GALNT18: variants seen among roughly 807,000 people sequenced by gnomAD.
The protein encoded by GALNT18 is GalNAc-transferase 18.
In GALNT18, 44 loss-of-function variants were observed where a neutral mutation model predicts 69.5. The observed-to-expected ratio is 0.63, with a 90% CI of 0.50 to 0.81. The LOEUF is 0.81. GALNT18 is among the 40% of genes least tolerant of loss of function. GALNT18 has a pLI of 0.00. For missense variants in GALNT18, 715 were observed against 810.0 expected (o/e 0.88, Z 1.42); for synonymous variants, 364 against 318.2 (o/e 1.14, Z -1.53).
Position 11,583,640 on chromosome 11 carries a change from C to T in GALNT18, c.235+37719G>A, listed in dbSNP as rs946279365. Among the ~76,000 whole-genome samples, 9 of 152,296 alleles carry T rather than the reference C, an allele frequency of 5.9e-5. No homozygotes were observed. The highest frequency in any genetic ancestry group is 4.1e-4 in the South Asian group (2 of 4,822). On this transcript the variant is annotated intron_variant, in intron 1 of 10. Transcript: ENST00000227756. This position sits in a 1 kb window ranked among gnomAD's most constrained non-coding sequence, Gnocchi z 4.7. Reference sequence around the variant, plus strand: ...TCCAAAGACCAGAGGTCCCATGAGACGCCACTTCTTCAAATGCCGACATTT... The same window carrying T: ...TCCAAAGACCAGAGGTCCCATGAGATGCCACTTCTTCAAATGCCGACATTT...
At chr11:11,495,768 T>C (rs567644292) in intron 1 of GALNT18, among the ~76,000 whole-genome samples, 1 of 152,316 alleles carries the variant, frequency 6.6e-6, no homozygotes, top group African/African-American at 2.4e-5. Context: ...ATCCTCATTA[T>C]AGAAGCGGTA....
chr11:11,403,627 A>G (rs923439027), intron 3 of GALNT18, among the ~76,000 whole-genome samples: 8 of 152,142 alleles, frequency 5.3e-5, no homozygotes, highest in African/African-American at 1.9e-4. Flanking sequence ...GTCCAGGGCT[A>G]TACTCTCTCC....
At chr11:11,325,764 A>G (rs1008308404) in intron 9 of GALNT18, among the ~76,000 whole-genome samples, 5 of 152,192 alleles carry the variant, frequency 3.3e-5, no homozygotes, top group Non-Finnish European at 7.3e-5. Context: ...CACCATTGTT[A>G]ACAATGAGGA....
Position 11,496,978 on chromosome 11 carries a change from G to A in GALNT18, c.236-48042C>T, listed in dbSNP as rs972932282. ...TGGTAGAGCACCCAAATACTCCACCGTGGTCTCCAAGGGCCTCATCGGTCC... is the reference window on the plus strand; with the variant it reads ...TGGTAGAGCACCCAAATACTCCACCATGGTCTCCAAGGGCCTCATCGGTCC... On this transcript the variant is annotated intron_variant, in intron 1 of 10. Coordinates refer to ENST00000227756, the MANE Select transcript of GALNT18 (RefSeq NM_198516.3). The surrounding 1 kb of genome is among the most constrained non-coding windows in gnomAD (Gnocchi z 4.0). Among the ~76,000 whole-genome samples, 2 of 152,088 alleles carry A rather than the reference G, an allele frequency of 1.3e-5. No homozygotes were observed. Among genetic ancestry groups the A allele is most frequent in the Non-Finnish European group, 2.9e-5 (2 of 68,022 alleles).
Position 11,411,100 on chromosome 11 carries a change from C to G in GALNT18, c.595+21521G>C, listed in dbSNP as rs149382561. On this transcript the variant is annotated intron_variant, in intron 3 of 10. Transcript: ENST00000227756. ...AGCTGAGGAGGGAGGATCACTTGAG[C>G]CCAGAAGTTAGAGATCATCCTGGGC... Among the ~76,000 whole-genome samples, 978 of 152,244 alleles carry G rather than the reference C, an allele frequency of 6.4e-3. 5 individuals are homozygous for G. Among genetic ancestry groups the G allele is most frequent in the South Asian group, 0.016 (77 of 4,808 alleles).
intron 6 of GALNT18, chr11:11,352,319 T>A: frequency 6.2e-7 from 1 of 1,614,114 alleles, no homozygotes; most frequent in Non-Finnish European, 8.5e-7. Flanking sequence ...CATTGAAACG[T>A]GGATCTAATT....
At position 11,621,343 on chromosome 11, in the gene GALNT18, T is replaced by G; in HGVS notation, c.235+16A>C. On this transcript the variant is annotated intron_variant, in intron 1 of 10. Transcript: ENST00000227756. This position sits in a 1 kb window ranked among gnomAD's most constrained non-coding sequence, Gnocchi z 9.3. The stretch of plus-strand genomic sequence containing the variant: ...CCGGGCCTCATGGGCGACCCAAGTT[T>G]CCGGGGCGCCCGTACCTTGAATGTG... 1 of 1,608,192 alleles carries G rather than the reference T, an allele frequency of 6.2e-7. No homozygotes were observed. Among genetic ancestry groups the G allele is most frequent in the Non-Finnish European group, 8.5e-7 (1 of 1,175,550 alleles).
chr11:11,323,203 A>C lies in GALNT18; in HGVS notation c.1512+3883T>G, dbSNP rs1034586257. On this transcript the variant is annotated intron_variant, in intron 9 of 10. Coordinates refer to ENST00000227756, the MANE Select transcript of GALNT18 (RefSeq NM_198516.3). ...AAGGTCTTAACTCATTCTAACATCA[A>C]CTCTAAAGTCCAAAGTCTCATCTAA... Among the ~76,000 whole-genome samples, 24 of 152,112 alleles carry C rather than the reference A, an allele frequency of 1.6e-4. 1 individual carries two copies. The highest frequency in any genetic ancestry group is 2.9e-5 in the Non-Finnish European group (2 of 68,020).
chr11:11,567,060 GAAGC>G (rs1332210344), intron 1 of GALNT18, among the ~76,000 whole-genome samples: 1 of 152,174 alleles, frequency 6.6e-6, no homozygotes. Flanking sequence ...TCGGGCCTCA[GAAGC>G]TATGGAAGAA....
chr11:11,527,834 A>T (rs1857555588), intron 1 of GALNT18, among the ~76,000 whole-genome samples: 1 of 152,208 alleles, frequency 6.6e-6, no homozygotes, highest in African/African-American at 2.4e-5. Flanking sequence ...TGTGAATAGT[A>T]AGAGACTGTT....
chr11:11,428,296 C>CT (rs1855181445), intron 3 of GALNT18, among the ~76,000 whole-genome samples: 1 of 152,264 alleles, frequency 6.6e-6, no homozygotes, highest in Non-Finnish European at 1.5e-5. Flanking sequence ...GGAGCTCACT[C>CT]TAGTGTCTCT....
At position 11,613,098 on chromosome 11, in the gene GALNT18, A is replaced by G. The variant is rs1348925073; in HGVS notation, c.235+8261T>C. ...GAATGTCAGGCAGTGAAAGAGAACT[A>G]CATCTCAGTACTGCATCCCCACTGG... On this transcript the variant is annotated intron_variant, in intron 1 of 10. Coordinates refer to ENST00000227756, the MANE Select transcript of GALNT18 (RefSeq NM_198516.3). This position sits in a 1 kb window ranked among gnomAD's most constrained non-coding sequence, Gnocchi z 4.2. Among the ~76,000 whole-genome samples, 2 of 152,230 alleles carry G rather than the reference A, an allele frequency of 1.3e-5. No individual in the cohort carries two copies. The highest frequency in any genetic ancestry group is 2.4e-5 in the African/African-American group (1 of 41,466).
In GALNT18 at chr11:11,554,326, G is replaced by T. The variant is rs895929812; in HGVS notation, c.235+67033C>A. The stretch of plus-strand genomic sequence containing the variant: ...TGGCTCTGGAAGAAGCATTATCACT[G>T]AGTGGAGAGGGGGCCACAGAGAGAA... On this transcript the variant is annotated intron_variant, in intron 1 of 10. Transcript: ENST00000227756. Among the ~76,000 whole-genome samples, 4 of 152,134 alleles carry T rather than the reference G, an allele frequency of 2.6e-5. No homozygotes were observed. The East Asian group carries it at 7.7e-4, about 29-fold the overall frequency.
At chr11:11,575,052 T>C (rs1858888476) in intron 1 of GALNT18, among the ~76,000 whole-genome samples, 1 of 152,246 alleles carries the variant, frequency 6.6e-6, no homozygotes. Flanking sequence ...AAATGCATCA[T>C]AAATCCAACA....
intron 1 of GALNT18, among the ~76,000 whole-genome samples, chr11:11,484,920 C>T (rs59306007): frequency 0.018 from 2,667 of 152,264 alleles, 73 homozygotes; most frequent in African/African-American, 0.058. Context: ...GCCAGGCAGC[C>T]GCGACATGAG....
rs774177454 is a variant in GALNT18 at position 11,454,752 on chromosome 11, C to T, written c.236-5816G>A. On this transcript the variant is annotated intron_variant, in intron 1 of 10. Transcript: ENST00000227756. This position sits in a 1 kb window ranked among gnomAD's most constrained non-coding sequence, Gnocchi z 4.2. Reference sequence around the variant, plus strand: ...TCTTCCTTCCTTGAAACCCAGCCTGCGGTGTCCTCAAAGCTCTGGCAGACA... The same window carrying T: ...TCTTCCTTCCTTGAAACCCAGCCTGTGGTGTCCTCAAAGCTCTGGCAGACA... Among the ~76,000 whole-genome samples the T allele has an allele frequency of 4.6e-5, 7 of 152,050 alleles. No individual in the cohort carries two copies. Among genetic ancestry groups the T allele is most frequent in the Non-Finnish European group, 8.8e-5 (6 of 68,012 alleles).
At chr11:11,316,168 C>T (rs888026551) in intron 9 of GALNT18, among the ~76,000 whole-genome samples, 1 of 152,192 alleles carries the variant, frequency 6.6e-6, no homozygotes, top group Admixed American at 6.5e-5. Flanking sequence ...TAGCAGACAC[C>T]TGAGCAATGA....
intron 3 of GALNT18, among the ~76,000 whole-genome samples, chr11:11,420,739 C>T (rs1854985493): frequency 6.6e-6 from 1 of 152,178 alleles, no homozygotes; most frequent in African/African-American, 2.4e-5. Context: ...GCTGGCTGCA[C>T]TGTGGCCCTA....
At position 11,584,429 on chromosome 11, in the gene GALNT18, G is replaced by A. The variant is rs1018210856; in HGVS notation, c.235+36930C>T. Among the ~76,000 whole-genome samples, 19 of 152,184 alleles carry A rather than the reference G, an allele frequency of 1.2e-4. No homozygotes were observed. Among genetic ancestry groups the A allele is most frequent in the East Asian group, 5.8e-4 (3 of 5,202 alleles). On this transcript the variant is annotated intron_variant, in intron 1 of 10. Transcript: ENST00000227756. This position sits in a 1 kb window ranked among gnomAD's most constrained non-coding sequence, Gnocchi z 4.1. The stretch of plus-strand genomic sequence containing the variant: ...TGTTGGAAAGCTGATGGGAGATGCC[G>A]TAAGAGAAATGGGTTCCTATTCTCC...
Sources: allele counts gnomAD v4.1 joint callset (sites outside exome capture counted in the v4.1 genomes callset), GRCh38; gene constraint gnomAD v4.1.1; non-coding constraint Gnocchi (gnomAD v3.1); transcripts MANE v1.5; gene names NCBI Gene and HGNC (gene_info 2026-07-23, HGNC 2026-07-21).